NOS1AP: variants seen among roughly 807,000 people sequenced by gnomAD.
NOS1AP encodes the protein nitric oxide synthase 1 adaptor protein.
NOS1AP carries 21 observed loss-of-function variants against 56.2 expected under a neutral mutation model. That is an observed-to-expected ratio of 0.37 (90% CI 0.26 to 0.54). NOS1AP has a LOEUF of 0.54. Among genes scored for constraint, NOS1AP ranks in the 20% least tolerant of loss-of-function variants. The pLI is 0.84. For synonymous variants in NOS1AP, 270 were observed against 274.6 expected (o/e 0.98, Z 0.17); for missense variants, 522 against 657.8 (o/e 0.79, Z 2.26).
intron 2 of NOS1AP, among the ~76,000 whole-genome samples, chr1:162,222,990 C>A (rs1046254344): frequency 6.6e-6 from 1 of 152,300 alleles, no homozygotes; most frequent in African/African-American, 2.4e-5. Context: ...CATGAATAAA[C>A]CCACCTGTTG....
intron 2 of NOS1AP, among the ~76,000 whole-genome samples, chr1:162,164,070 A>T (rs1421092491): frequency 2.6e-5 from 4 of 152,228 alleles, no homozygotes; most frequent in African/African-American, 9.6e-5. Context: ...TTGCTTTATT[A>T]CAGTTATTTA....
chr1:162,246,690 T>A (rs1264410839), intron 2 of NOS1AP, among the ~76,000 whole-genome samples: 1 of 152,134 alleles, frequency 6.6e-6, no homozygotes, highest in African/African-American at 2.4e-5. Flanking sequence ...GGAAAGTCAT[T>A]TACTGGGTCT....
intron 2 of NOS1AP, among the ~76,000 whole-genome samples, chr1:162,286,750 A>G (rs1022654861): frequency 2.6e-5 from 4 of 152,216 alleles, no homozygotes; most frequent in Non-Finnish European, 4.4e-5. Context: ...ATTAAATAAA[A>G]CTTAACAAAT....
intron 2 of NOS1AP, among the ~76,000 whole-genome samples, chr1:162,275,982 A>T (rs1654716405): frequency 6.6e-6 from 1 of 152,192 alleles, no homozygotes; most frequent in Non-Finnish European, 1.5e-5. Flanking sequence ...TTATAAATAA[A>T]GCTTTATTGG....
chr1:162,251,616 G>GTGTGTGTGTC (rs1653851831), intron 2 of NOS1AP, among the ~76,000 whole-genome samples: 1 of 151,506 alleles, frequency 6.6e-6, no homozygotes, highest in African/African-American at 2.4e-5. Flanking sequence ...GTGTGTGTGT[G>GTGTGTGTGTC]TGTGTGTGTG....
intron 4 of NOS1AP, among the ~76,000 whole-genome samples, chr1:162,330,752 G>A (rs1448140991): frequency 6.6e-6 from 1 of 152,208 alleles, no homozygotes; most frequent in Non-Finnish European, 1.5e-5. Flanking sequence ...TTAGGAAGCA[G>A]AGCAGCACAC....
chr1:162,081,774 A>ATATATTTTTTTTTTTTT lies in NOS1AP; in HGVS notation c.105+11493_105+11494insATATTTTTTTTTTTTTT. Among the ~76,000 whole-genome samples, 30 of 44,050 alleles carry ATATATTTTTTTTTTTTT rather than the reference A, an allele frequency of 6.8e-4. 1 individual carries two copies. Among genetic ancestry groups the ATATATTTTTTTTTTTTT allele is most frequent in the Admixed American group, 1.9e-3 (6 of 3,158 alleles). The allele number at this position is 44,050 out of a possible 152,430, so 28.9% of individuals were successfully genotyped here. On this transcript the variant is annotated intron_variant, in intron 1 of 9. Transcript: ENST00000361897. ...TCTATAGATATATATATATATATAT[A>ATATATTTTTTTTTTTTT]TTTTTTTTTTGTAGAGATGGGTTTT... is the stretch of plus-strand genomic sequence containing the variant.
At chr1:162,122,326 T>C (rs1648273692) in intron 1 of NOS1AP, among the ~76,000 whole-genome samples, 1 of 152,180 alleles carries the variant, frequency 6.6e-6, no homozygotes, top group African/African-American at 2.4e-5. Context: ...AATTTTTATT[T>C]CACACAGGAT....
chr1:162,308,008 G>A (rs561019361), intron 4 of NOS1AP, among the ~76,000 whole-genome samples: 1 of 152,164 alleles, frequency 6.6e-6, no homozygotes, highest in African/African-American at 2.4e-5. Flanking sequence ...TGTCAGCCTG[G>A]GTCCAATCAG....
intron 2 of NOS1AP, among the ~76,000 whole-genome samples, chr1:162,270,874 A>G (rs1260198748): frequency 2.6e-5 from 4 of 152,216 alleles, no homozygotes; most frequent in African/African-American, 9.6e-5. Flanking sequence ...ATCTGCCTGC[A>G]TGACCTCTCA....
At chr1:162,289,431 G>A (rs1055973592) in intron 3 of NOS1AP, among the ~76,000 whole-genome samples, 1 of 146,156 alleles carries the variant, frequency 6.8e-6, no homozygotes, top group Non-Finnish European at 1.5e-5. Context: ...CCGAGTAGCT[G>A]TGATTACTGG....
At chr1:162,364,766 G>A in intron 8 of NOS1AP, 1 of 987,104 alleles carries the variant, frequency 1.0e-6, no homozygotes, top group Non-Finnish European at 1.2e-6. Flanking sequence ...AAATAAAAAA[G>A]GAAGACAGGG....
At chr1:162,251,658 A>ATG (rs1471401782) in intron 2 of NOS1AP, among the ~76,000 whole-genome samples, 3 of 150,540 alleles carry the variant, frequency 2.0e-5, no homozygotes, top group African/African-American at 7.3e-5. Flanking sequence ...AAATATATAT[A>ATG]TATGTGTGTG....
At chr1:162,114,442 G>A (rs1647851534) in intron 1 of NOS1AP, among the ~76,000 whole-genome samples, 1 of 151,968 alleles carries the variant, frequency 6.6e-6, no homozygotes, top group African/African-American at 2.4e-5. Flanking sequence ...GATTGAATCA[G>A]GCTCACATAT....
chr1:162,348,964 T>A (rs1377203033), intron 6 of NOS1AP, among the ~76,000 whole-genome samples: 2 of 152,174 alleles, frequency 1.3e-5, no homozygotes, highest in Non-Finnish European at 2.9e-5. Flanking sequence ...GGCGGGCAGA[T>A]CACCTGAGGT....
chr1:162,185,371 T>C (rs1451492387), intron 2 of NOS1AP, among the ~76,000 whole-genome samples: 1 of 152,390 alleles, frequency 6.6e-6, no homozygotes, highest in East Asian at 1.9e-4. Context: ...ACATTAGTTG[T>C]GAGCTCATGT....
intron 1 of NOS1AP, among the ~76,000 whole-genome samples, chr1:162,148,877 A>G (rs1178474486): frequency 6.6e-6 from 1 of 151,992 alleles, no homozygotes; most frequent in Non-Finnish European, 1.5e-5. Flanking sequence ...GTAGACAGAG[A>G]GGTAGAGGGG....
At chr1:162,145,120 G>A (rs1649407743) in intron 1 of NOS1AP, among the ~76,000 whole-genome samples, 1 of 152,176 alleles carries the variant, frequency 6.6e-6, no homozygotes, top group South Asian at 2.1e-4. Flanking sequence ...CCTTCAAATA[G>A]TGCTTCCTTT....
intron 6 of NOS1AP, among the ~76,000 whole-genome samples, chr1:162,354,749 C>T (rs529529957): frequency 5.9e-5 from 9 of 152,340 alleles, no homozygotes; most frequent in East Asian, 3.9e-4. Flanking sequence ...GTTAAAGAAA[C>T]ATGGCCCAGA....
Sources: allele counts gnomAD v4.1 joint callset (sites outside exome capture counted in the v4.1 genomes callset), GRCh38; gene constraint gnomAD v4.1.1; transcripts MANE v1.5; gene names NCBI Gene and HGNC (gene_info 2026-07-23, HGNC 2026-07-21).